Variants in PRXL2A observed in about 807,000 individuals in gnomAD.
PRXL2A encodes the protein peroxiredoxin-like 2A.
Under a neutral mutation model 25.6 loss-of-function variants are expected in PRXL2A, and 26 were observed. The ratio of observed to expected loss-of-function variants is 1.02; its 90% CI spans 0.74 to 1.41. PRXL2A has a LOEUF of 1.41. Among genes scored for constraint, PRXL2A ranks in the 40% most tolerant of loss-of-function variants. PRXL2A has a pLI of 0.00. For missense variants in PRXL2A, 246 were observed against 273.9 expected (o/e 0.90, Z 0.72); for synonymous variants, 98 against 102.9 (o/e 0.95, Z 0.29).
Position 80,419,777 on chromosome 10 carries a change from TTC to T in PRXL2A, c.-2-685_-2-684del, listed in dbSNP as rs1343515347. 3.3e-5 allele frequency among the ~76,000 whole-genome samples: 5 copies of T among 152,338 alleles called. No individual in the cohort carries two copies. In the South Asian group the frequency reaches 6.2e-4, roughly 19 times the overall value. ...TTCTTATCGACTATGGTTTCATGTA[TTC>T]TCTGTTTTGTTTTTTACTATAAGCA... is the stretch of plus-strand genomic sequence containing the variant. On this transcript the variant is annotated intron_variant, in intron 1 of 5. Transcript: ENST00000606162.
At chr10:80,411,133 AG>A (rs139950119) in intron 1 of PRXL2A, among the ~76,000 whole-genome samples, 1,771 of 152,316 alleles carry the variant, frequency 0.012, 33 homozygotes, top group African/African-American at 0.04. Context: ...GGTGGGTGGA[AG>A]GGCATCTGTT....
At chr10:80,420,668 T>C in intron 2 of PRXL2A, 23 bp downstream of exon 2, 1 of 1,511,270 alleles carries the variant, frequency 6.6e-7, no homozygotes. Flanking sequence ...CCTTCAGGTC[T>C]CAGTACTTTT....
intron 5 of PRXL2A, 63 bp downstream of exon 5, chr10:80,427,559 C>G: frequency 1.3e-6 from 2 of 1,555,740 alleles, no homozygotes; most frequent in Non-Finnish European, 1.8e-6. Context: ...GAGACTCCAA[C>G]CAGAAGCTGG....
chr10:80,422,595 C>G, intron 3 of PRXL2A, 87 bp downstream of exon 3: 1 of 937,750 alleles, frequency 1.1e-6, no homozygotes, highest in South Asian at 1.5e-5. Flanking sequence ...GGTCGGTAAG[C>G]CAGCTTTAGC....
Position 80,430,089 on chromosome 10 carries a change from C to CT in PRXL2A, c.577-1872dup, listed in dbSNP as rs753076825. Among the ~76,000 whole-genome samples, 475 of 66,556 alleles carry CT rather than the reference C, an allele frequency of 7.1e-3. 4 individuals carry two copies. The highest frequency in any genetic ancestry group is 9.6e-3 in the African/African-American group (135 of 14,108). 43.7% of individuals were successfully genotyped at this position (66,556 alleles called of 152,430 possible). A position where few individuals can be genotyped will look rare whatever the true frequency, so the allele number is the denominator to read the frequency against. On this transcript the variant is annotated intron_variant, in intron 5 of 5. Coordinates refer to ENST00000606162, the MANE Select transcript of PRXL2A (RefSeq NM_032333.5). ...CTAAAATTGGGGTGGTGGGGATTTC[C>CT]TTTTTTTTTTTTTTTTTTTTTTTTT...
At chr10:80,427,257 G>A (rs1351095166) in intron 4 of PRXL2A, 75 bp from the exon 5 acceptor site, 16 of 1,359,086 alleles carry the variant, frequency 1.2e-5, no homozygotes, top group African/African-American at 2.9e-5. Context: ...CCAATGCCCC[G>A]TCAGGAGCGT....
In PRXL2A at chr10:80,433,105, G is replaced by C. The variant is rs191282503; in HGVS notation, c.*1006G>C. On this transcript the variant is annotated 3_prime_UTR_variant, in exon 6 of 6. Transcript: ENST00000606162. The stretch of plus-strand genomic sequence containing the variant: ...CCATGGCTGAGGGGTAAAGTGCCTC[G>C]GGGGATTCCTCTGGTTCTAGCTATC... 6.6e-6 allele frequency: 1 copy of C among 152,124 alleles called. No homozygotes were observed. The highest frequency in any genetic ancestry group is 1.9e-4 in the East Asian group (1 of 5,194). 9.4% of individuals were successfully genotyped at this position (152,124 alleles called of 1,614,324 possible).
chr10:80,421,801 C>T (rs1844874647), intron 2 of PRXL2A, among the ~76,000 whole-genome samples: 1 of 152,140 alleles, frequency 6.6e-6, no homozygotes, highest in Non-Finnish European at 1.5e-5. Flanking sequence ...TCAATATGCC[C>T]TGTGGCCCAA....
chr10:80,427,983 G>C (rs529447586), intron 5 of PRXL2A, among the ~76,000 whole-genome samples: 2 of 152,224 alleles, frequency 1.3e-5, no homozygotes, highest in South Asian at 2.1e-4. Context: ...AGTGTTCCAG[G>C]CCACCATGGA....
intron 4 of PRXL2A, 144 bp downstream of exon 4, chr10:80,426,150 G>A: frequency 1.1e-6 from 1 of 926,676 alleles, no homozygotes; most frequent in Non-Finnish European, 1.7e-6. Flanking sequence ...GCCTTTTTCA[G>A]CCCCCTGAGC....
At chr10:80,420,422 C>T (rs1479623278) in intron 1 of PRXL2A, 44 bp from the exon 2 acceptor site, 4 of 1,511,226 alleles carry the variant, frequency 2.6e-6, no homozygotes, top group Admixed American at 2.1e-5. Context: ...TTCCAGCTAC[C>T]CTGTGGGAGC....
intron 1 of PRXL2A, chr10:80,420,161 A>G: frequency 9.7e-7 from 1 of 1,035,460 alleles, no homozygotes; most frequent in Non-Finnish European, 1.2e-6. Context: ...TAGGGGCTGC[A>G]ACTTGGGGCA....
rs772604910 is a variant in PRXL2A at position 80,420,602 on chromosome 10, C to T, written c.135C>T (p.Ala45=). 11 of 1,613,554 alleles carry T rather than the reference C, an allele frequency of 6.8e-6. No individual in the cohort carries two copies. Among genetic ancestry groups the T allele is most frequent in the Admixed American group, 3.3e-5 (2 of 59,952 alleles). ...TTCTGTCCAAGCCCCAGAAAGCGGCCCTGGAGTACCTGGAGGATATAGACC... is the reference window on the plus strand; with the variant it reads ...TTCTGTCCAAGCCCCAGAAAGCGGCTCTGGAGTACCTGGAGGATATAGACC... ...DVFLSKPQKA[A]LEYLEDIDLK... The change falls in exon 2 of 6, where the codon GCC becomes GCT. Residue 45 remains alanine, a synonymous_variant. Coordinates refer to ENST00000606162, the MANE Select transcript of PRXL2A (RefSeq NM_032333.5).
At chr10:80,410,848 T>C (rs1844457750) in intron 1 of PRXL2A, among the ~76,000 whole-genome samples, 1 of 152,180 alleles carries the variant, frequency 6.6e-6, no homozygotes, top group African/African-American at 2.4e-5. Context: ...TAGAATGGCT[T>C]GCTCTTTGAG....
chr10:80,436,485 G>C lies in PRXL2A; in HGVS notation c.*4386G>C, dbSNP rs1040126371. On this transcript the variant is annotated 3_prime_UTR_variant, in exon 6 of 6. Coordinates refer to ENST00000606162, the MANE Select transcript of PRXL2A (RefSeq NM_032333.5). The stretch of plus-strand genomic sequence containing the variant: ...CAAGGTTGAAAACCACCCTTTAAAA[G>C]GCTCGGCATCCAGTGTGGAAGACCA... 1.3e-5 allele frequency: 2 copies of C among 152,106 alleles called. No individual in the cohort carries two copies. The highest frequency in any genetic ancestry group is 2.9e-5 in the Non-Finnish European group (2 of 68,056). 9.4% of individuals were successfully genotyped at this position (152,106 alleles called of 1,614,324 possible). A position where few individuals can be genotyped will look rare whatever the true frequency, so the allele number is the denominator to read the frequency against.
At chr10:80,424,319 A>G (rs937923045) in intron 3 of PRXL2A, among the ~76,000 whole-genome samples, 2 of 138,396 alleles carry the variant, frequency 1.4e-5, no homozygotes, top group Admixed American at 8.2e-5. Context: ...CTATAATCCC[A>G]GCACTTTGGG....
At chr10:80,422,819 C>T (rs1237031342) in intron 3 of PRXL2A, among the ~76,000 whole-genome samples, 1 of 152,158 alleles carries the variant, frequency 6.6e-6, no homozygotes, top group African/African-American at 2.4e-5. Context: ...AGGTCCAATT[C>T]CATGCTTCTG....
chr10:80,420,162 A>C lies in PRXL2A; in HGVS notation c.-2-304A>C, dbSNP rs113975125. The C allele has an allele frequency of 2.0e-3, 2,064 of 1,036,190 alleles. 35 individuals carry two copies. In the African/African-American group the frequency reaches 0.033, roughly 16 times the overall value. The allele number at this position is 1,036,190 out of a possible 1,614,324, so 64.2% of individuals were successfully genotyped here. ...CAGCTCCACAGAGCTAGGGGCTGCA[A>C]CTTGGGGCATGAGAAGAGAGAGCAG... On this transcript the variant is annotated intron_variant, in intron 1 of 5. Coordinates refer to ENST00000606162, the MANE Select transcript of PRXL2A (RefSeq NM_032333.5).
intron 5 of PRXL2A, among the ~76,000 whole-genome samples, chr10:80,428,739 G>A (rs1296910606): frequency 1.4e-5 from 2 of 143,380 alleles, no homozygotes; most frequent in Non-Finnish European, 2.9e-5. Context: ...TTCTAGGCCT[G>A]TCTCTGTCAA....
Sources: allele counts gnomAD v4.1 joint callset (sites outside exome capture counted in the v4.1 genomes callset), GRCh38; gene constraint gnomAD v4.1.1; transcripts MANE v1.5; gene names NCBI Gene and HGNC (gene_info 2026-07-23, HGNC 2026-07-21).